The following RGS18 variants were observed in gnomAD, a reference collection of about 807,000 sequenced individuals.
RGS18 encodes the protein regulator of G protein signaling 18, also known as regulator of G-protein signaling 18.
In RGS18, 22 loss-of-function variants were observed where a neutral mutation model predicts 27.6. The ratio of observed to expected loss-of-function variants is 0.80; its 90% CI spans 0.57 to 1.14. The LOEUF (loss-of-function observed/expected upper bound fraction) is 1.14, where lower values mean the gene tolerates loss of function less well. Among genes scored for constraint, RGS18 ranks in the 50% most tolerant of loss-of-function variants. RGS18 has a pLI of 0.00. For missense variants in RGS18, 299 were observed against 269.6 expected (o/e 1.11, Z -0.76); for synonymous variants, 89 against 84.6 (o/e 1.05, Z -0.29).
chr1:192,162,600 C>T (rs1045518643), intron 3 of RGS18, among the ~76,000 whole-genome samples: 28 of 152,274 alleles, frequency 1.8e-4, no homozygotes, highest in African/African-American at 6.5e-4. Flanking sequence ...ACAACAATTT[C>T]TAAACTATTG....
At chr1:192,183,827 A>G (rs1261377949) in intron 4 of RGS18, among the ~76,000 whole-genome samples, 1 of 151,642 alleles carries the variant, frequency 6.6e-6, no homozygotes, top group Non-Finnish European at 1.5e-5. Flanking sequence ...TTATAAGAAA[A>G]TAACTTCAAT....
In RGS18 at chr1:192,167,003, C is replaced by T. The variant is rs552858018; in HGVS notation, c.283+6564C>T. Among the ~76,000 whole-genome samples, 33 of 152,230 alleles carry T rather than the reference C, an allele frequency of 2.2e-4. 1 individual carries two copies. The highest frequency in any genetic ancestry group is 2.0e-3 in the Admixed American group (30 of 15,284). ...CACTACTACGTAACTGTTCCTTTTC[C>T]GTGTGTACCCTTTTATCCAGTCATT... On this transcript the variant is annotated intron_variant, in intron 3 of 4. Coordinates refer to ENST00000367460, the MANE Select transcript of RGS18 (RefSeq NM_130782.3).
chr1:192,158,789 CTT>C, intron 1 of RGS18, 33 bp downstream of exon 1: 1 of 1,376,172 alleles, frequency 7.3e-7, no homozygotes, highest in South Asian at 1.4e-5. Context: ...CAGCCTTATA[CTT>C]TTAAAAGCAT....
chr1:192,161,016 A>AT (rs1447845206), intron 3 of RGS18, among the ~76,000 whole-genome samples: 4 of 151,976 alleles, frequency 2.6e-5, no homozygotes, highest in South Asian at 2.1e-4. Context: ...CGCCCGGCTA[A>AT]TTTTTTTGTA....
At chr1:192,163,870 T>TATATATA (rs201513735) in intron 3 of RGS18, among the ~76,000 whole-genome samples, 30 of 70,350 alleles carry the variant, frequency 4.3e-4, no homozygotes, top group African/African-American at 1.2e-3. Flanking sequence ...TATATATATA[T>TATATATA]TTTTTTTTTT....
intron 3 of RGS18, chr1:192,169,532 T>G (rs558985406): frequency 6.6e-6 from 1 of 152,280 alleles, no homozygotes; most frequent in South Asian, 2.1e-4. Flanking sequence ...AATGCCTCTT[T>G]TTGTGAAATG....
At chr1:192,162,436 G>A (rs917733328) in intron 3 of RGS18, among the ~76,000 whole-genome samples, 1 of 152,074 alleles carries the variant, frequency 6.6e-6, no homozygotes, top group African/African-American at 2.4e-5. Flanking sequence ...AGCCTCTGGA[G>A]TAGCTGGGAT....
chr1:192,166,228 T>A (rs1234276585), intron 3 of RGS18, among the ~76,000 whole-genome samples: 3 of 152,166 alleles, frequency 2.0e-5, no homozygotes, highest in Admixed American at 2.0e-4. Context: ...AATAACTTGC[T>A]AAACAGTTTT....
At chr1:192,172,896 T>C (rs987032057) in intron 3 of RGS18, among the ~76,000 whole-genome samples, 6 of 145,088 alleles carry the variant, frequency 4.1e-5, no homozygotes, top group Admixed American at 1.4e-4. Context: ...TATATATATA[T>C]ACACATATGT....
chr1:192,179,669 C>T (rs1242362656), intron 3 of RGS18, among the ~76,000 whole-genome samples: 1 of 151,472 alleles, frequency 6.6e-6, no homozygotes, highest in African/African-American at 2.4e-5. Context: ...GAATAAATCT[C>T]CAGAGAATCA....
In RGS18 at chr1:192,166,351, G is replaced by A. The variant is rs562208605; in HGVS notation, c.283+5912G>A. ...AGAAAAGGTAATTCTTGAGATAAAG[G>A]CAAGGAAACAGAGTACTAAGAGATT... is the stretch of plus-strand genomic sequence containing the variant. On this transcript the variant is annotated intron_variant, in intron 3 of 4. Transcript: ENST00000367460. Among the ~76,000 whole-genome samples, 12 of 152,146 alleles carry A rather than the reference G, an allele frequency of 7.9e-5. No homozygotes were observed. The South Asian group carries it at 2.3e-3, about 29-fold the overall frequency.
rs917017756 is a variant in RGS18 at position 192,185,402 on chromosome 1, A to G, written c.*848A>G. On this transcript the variant is annotated 3_prime_UTR_variant, in exon 5 of 5. Coordinates refer to ENST00000367460, the MANE Select transcript of RGS18 (RefSeq NM_130782.3). ...ATAAAAACCAGAGAAGGTTTTTCCC[A>G]GGACGTCTCATGTTTGGCCCTTTAG... The G allele has an allele frequency of 2.0e-5, 3 of 151,604 alleles. No homozygotes were observed. The highest frequency in any genetic ancestry group is 4.4e-5 in the Non-Finnish European group (3 of 67,710). The allele number at this position is 151,604 out of a possible 1,614,324, so 9.4% of individuals were successfully genotyped here.
intron 3 of RGS18, among the ~76,000 whole-genome samples, chr1:192,165,674 C>A (rs1656152551): frequency 1.3e-5 from 2 of 152,270 alleles, no homozygotes; most frequent in East Asian, 3.9e-4. Flanking sequence ...TCCCCTGATA[C>A]CTTCTGCAAA....
intron 3 of RGS18, among the ~76,000 whole-genome samples, chr1:192,174,621 T>C (rs1656325717): frequency 6.6e-6 from 1 of 152,020 alleles, no homozygotes; most frequent in African/African-American, 2.4e-5. Context: ...AGGATTGTTA[T>C]GTACTAGTAA....
At chr1:192,181,705 T>C (rs898518790) in intron 4 of RGS18, among the ~76,000 whole-genome samples, 1 of 151,568 alleles carries the variant, frequency 6.6e-6, no homozygotes, top group African/African-American at 2.4e-5. Context: ...GTGGTGATAA[T>C]ATTCAATATG....
chr1:192,172,881 A>G (rs1001513075), intron 3 of RGS18, among the ~76,000 whole-genome samples: 22 of 140,196 alleles, frequency 1.6e-4, no homozygotes, highest in African/African-American at 5.6e-4. Flanking sequence ...ATATATATAT[A>G]TAAATATATA....
At chr1:192,182,968 G>A (rs1298605606) in intron 4 of RGS18, among the ~76,000 whole-genome samples, 2 of 151,436 alleles carry the variant, frequency 1.3e-5, no homozygotes, top group African/African-American at 4.8e-5. Context: ...GTTTTCAAGT[G>A]GAAAACAATT....
At chr1:192,179,416 A>G (rs1323052259) in intron 3 of RGS18, among the ~76,000 whole-genome samples, 2 of 151,634 alleles carry the variant, frequency 1.3e-5, no homozygotes, top group Non-Finnish European at 3.0e-5. Flanking sequence ...TCTATAGTGC[A>G]ACTACCATAC....
intron 3 of RGS18, among the ~76,000 whole-genome samples, chr1:192,172,364 G>A (rs1017176569): frequency 5.9e-5 from 9 of 151,854 alleles, no homozygotes; most frequent in African/African-American, 2.2e-4. Flanking sequence ...GCTGCCCCTC[G>A]GGTTTGATCC....
Sources: allele counts gnomAD v4.1 joint callset (sites outside exome capture counted in the v4.1 genomes callset), GRCh38; gene constraint gnomAD v4.1.1; transcripts MANE v1.5; gene names NCBI Gene and HGNC (gene_info 2026-07-23, HGNC 2026-07-21).